Variants in CA10 observed in about 807,000 individuals in gnomAD.
CA10 encodes the protein carbonic anhydrase-related protein 10.
A neutral mutation model predicts 44.2 loss-of-function variants in CA10; 14 were observed. The ratio of observed to expected loss-of-function variants is 0.32; its 90% CI spans 0.21 to 0.50. The LOEUF is 0.50. CA10 is among the 20% of genes least tolerant of loss of function. The pLI is 0.99. For synonymous variants in CA10, 159 were observed against 141.6 expected (o/e 1.12, Z -0.87); for missense variants, 350 against 409.7 (o/e 0.85, Z 1.26).
chr17:51,953,622 G>A (rs992021986), intron 2 of CA10, among the ~76,000 whole-genome samples: 1 of 151,962 alleles, frequency 6.6e-6, no homozygotes, highest in Non-Finnish European at 1.5e-5. Context: ...TTTCTCAACA[G>A]TATTAAACAT....
chr17:51,929,883 A>C (rs1417341071), intron 3 of CA10, among the ~76,000 whole-genome samples: 2 of 152,314 alleles, frequency 1.3e-5, no homozygotes, highest in East Asian at 3.9e-4. Flanking sequence ...AGTCATATTT[A>C]AAACAGTACA....
rs1555577669 is a variant in CA10 at position 51,636,775 on chromosome 17, T to TGTGTGTGTG, written c.635-767_635-766insCACACACAC. ...TGGTTAAGCTCAACAACTGATTATT[T>TGTGTGTGTG]TGTGTGTGTGTGTGTGTGTGTGTGT... is the stretch of plus-strand genomic sequence containing the variant. On this transcript the variant is annotated intron_variant, in intron 6 of 8. Transcript: ENST00000451037. Among the ~76,000 whole-genome samples the TGTGTGTGTG allele has an allele frequency of 4.1e-3, 598 of 146,612 alleles. 5 individuals carry two copies. Among genetic ancestry groups the TGTGTGTGTG allele is most frequent in the South Asian group, 0.013 (57 of 4,560 alleles).
chr17:51,840,945 C>T (rs1333497489), intron 3 of CA10, among the ~76,000 whole-genome samples: 1 of 152,092 alleles, frequency 6.6e-6, no homozygotes, highest in East Asian at 1.9e-4. Context: ...GAGCTGAGTC[C>T]CTTTCATGAG....
chr17:52,149,126 A>G (rs1989650029), intron 1 of CA10, among the ~76,000 whole-genome samples: 1 of 152,232 alleles, frequency 6.6e-6, no homozygotes, highest in Non-Finnish European at 1.5e-5. Context: ...GTTGACTCAC[A>G]TCCTTCAGTA....
At position 52,102,979 on chromosome 17, in the gene CA10, A is replaced by AT. The variant is rs199614629; in HGVS notation, c.62-30587dup. 2.7e-3 allele frequency among the ~76,000 whole-genome samples: 408 copies of AT among 150,360 alleles called. 13 individuals carry two copies. In the East Asian group the frequency reaches 0.061, roughly 23 times the overall value. The stretch of plus-strand genomic sequence containing the variant: ...ATCCTCAAGGGCTTTCATGTATTAG[A>AT]TTTTTTTTTTCCTGCTATGTGCACG... On this transcript the variant is annotated intron_variant, in intron 1 of 8. Coordinates refer to ENST00000451037, the MANE Select transcript of CA10 (RefSeq NM_020178.5).
At chr17:51,822,886 T>G (rs1235255183) in intron 3 of CA10, among the ~76,000 whole-genome samples, 1 of 152,056 alleles carries the variant, frequency 6.6e-6, no homozygotes, top group African/African-American at 2.4e-5. Context: ...ATTTGTGAAA[T>G]TTTTGGTGCT....
At chr17:51,703,426 G>C (rs1915663887) in intron 4 of CA10, among the ~76,000 whole-genome samples, 1 of 152,082 alleles carries the variant, frequency 6.6e-6, no homozygotes, top group Non-Finnish European at 1.5e-5. Context: ...TATTGGCCCT[G>C]GGGTGGGCCA....
At chr17:52,150,356 C>G (rs551216310) in intron 1 of CA10, among the ~76,000 whole-genome samples, 1 of 152,286 alleles carries the variant, frequency 6.6e-6, no homozygotes, top group East Asian at 1.9e-4. Flanking sequence ...TATTACAATG[C>G]CTATCACATT....
intron 3 of CA10, among the ~76,000 whole-genome samples, chr17:51,907,956 G>A (rs995975589): frequency 2.0e-5 from 3 of 152,138 alleles, no homozygotes; most frequent in African/African-American, 4.8e-5. Flanking sequence ...GACCTCATCT[G>A]TCTAATTTTC....
intron 4 of CA10, among the ~76,000 whole-genome samples, chr17:51,735,406 G>C (rs191028411): frequency 6.6e-6 from 1 of 152,248 alleles, no homozygotes; most frequent in African/African-American, 2.4e-5. Flanking sequence ...AGGGAAGCAA[G>C]CGTTGAAGAA....
chr17:51,722,646 G>A (rs1916384034), intron 4 of CA10, among the ~76,000 whole-genome samples: 1 of 152,090 alleles, frequency 6.6e-6, no homozygotes, highest in African/African-American at 2.4e-5. Context: ...TTTCTTATTT[G>A]ACACTCACAT....
At chr17:51,849,450 C>T (rs1350537778) in intron 3 of CA10, among the ~76,000 whole-genome samples, 2 of 151,594 alleles carry the variant, frequency 1.3e-5, no homozygotes. Flanking sequence ...CCTAGAACCC[C>T]TTTGAGTGCC....
At chr17:51,952,905 A>G (rs1983537595) in intron 2 of CA10, among the ~76,000 whole-genome samples, 1 of 152,154 alleles carries the variant, frequency 6.6e-6, no homozygotes, top group African/African-American at 2.4e-5. Flanking sequence ...CCAGAGACTT[A>G]TGTGACATAT....
intron 1 of CA10, 22 bp from the exon 2 acceptor site, chr17:52,072,415 G>A: frequency 6.3e-7 from 1 of 1,577,752 alleles, no homozygotes; most frequent in South Asian, 1.1e-5. Context: ...GCAAAGAAGA[G>A]AGATTAAGAT....
At chr17:51,680,030 A>T (rs1914786616) in intron 4 of CA10, among the ~76,000 whole-genome samples, 2 of 152,236 alleles carry the variant, frequency 1.3e-5, no homozygotes, top group Admixed American at 1.3e-4. Flanking sequence ...ACAAAGGCAG[A>T]GTTGAGTAGT....
intron 2 of CA10, among the ~76,000 whole-genome samples, chr17:51,970,556 T>C (rs1984245692): frequency 1.3e-5 from 2 of 152,082 alleles, no homozygotes; most frequent in African/African-American, 2.4e-5. Context: ...AGAGCATAGA[T>C]GTGTTGCTAA....
intron 3 of CA10, among the ~76,000 whole-genome samples, chr17:51,839,997 T>C (rs1254042096): frequency 6.6e-6 from 1 of 152,214 alleles, no homozygotes; most frequent in Non-Finnish European, 1.5e-5. Flanking sequence ...AGATAAAAAC[T>C]CGGGCTCATG....
At chr17:51,937,075 A>G (rs186969263) in intron 2 of CA10, among the ~76,000 whole-genome samples, 18 of 152,282 alleles carry the variant, frequency 1.2e-4, no homozygotes, top group African/African-American at 4.1e-4. Flanking sequence ...TTCAAGCAAT[A>G]AACTAAGTCC....
chr17:51,781,004 G>A (rs1567837456), intron 3 of CA10, among the ~76,000 whole-genome samples: 1 of 152,200 alleles, frequency 6.6e-6, no homozygotes, highest in South Asian at 2.1e-4. Flanking sequence ...CCAGTGGGCT[G>A]CAGTTTGTTG....
Sources: gnomAD v4.1 joint callset for allele counts (sites outside exome capture counted in the v4.1 genomes callset) on GRCh38, gnomAD v4.1.1 for gene constraint, MANE v1.5 for transcripts, NCBI Gene and HGNC (gene_info 2026-07-23, HGNC 2026-07-21) for gene names.